ZFPL1: variants seen among roughly 807,000 people sequenced by gnomAD.
ZFPL1 encodes the protein zinc finger protein like 1.
A neutral mutation model predicts 32.0 loss-of-function variants in ZFPL1; 28 were observed. That is an observed-to-expected ratio of 0.87 (90% CI 0.65 to 1.20). ZFPL1 has a LOEUF of 1.20. Ranked by LOEUF, ZFPL1 falls within the 50% of genes most tolerant of loss-of-function variation. The pLI is 0.00. For synonymous variants in ZFPL1, 165 were observed against 177.0 expected (o/e 0.93, Z 0.54); for missense variants, 386 against 424.8 (o/e 0.91, Z 0.80).
In ZFPL1 at chr11:65,084,271, A is replaced by G. The variant is rs984838414; in HGVS notation, c.-116A>G. On this transcript the variant is annotated 5_prime_UTR_variant, in exon 1 of 8. Coordinates refer to ENST00000294258, the MANE Select transcript of ZFPL1 (RefSeq NM_006782.4). ...TCGGGGCGGCCGGGGCTGAAGGGAG[A>G]GGCGCAGGAGCCCTGGGGAGAGTGG... 2 of 556,364 alleles carry G rather than the reference A, an allele frequency of 3.6e-6. No individual in the cohort carries two copies. The highest frequency in any genetic ancestry group is 1.9e-5 in the African/African-American group (1 of 52,186). The allele number at this position is 556,364 out of a possible 1,614,324, so 34.5% of individuals were successfully genotyped here.
intron 3 of ZFPL1, 136 bp downstream of exon 3, chr11:65,085,362 C>A: frequency 1.3e-6 from 1 of 753,562 alleles, no homozygotes. Context: ...TGTTAAAGTT[C>A]CTTACCTGCT....
Position 65,086,510 on chromosome 11 carries a change from A to T in ZFPL1, c.310A>T (p.Ile104Phe). Residue 104 changes from isoleucine to phenylalanine, a missense_variant, in exon 4 of 8, where the codon ATC becomes TTC. Physicochemically the swap from Ile to Phe is conservative, Grantham distance 21. Transcript: ENST00000294258. ...TCAGTGCCCCAGCTGCAATGGCCCC[A>T]TCTTCCCCCCAACCAACCTGGCTGG... ...GYQCPSCNGP[I>F]FPPTNLAGPV... 1 of 1,613,998 alleles carries T rather than the reference A, an allele frequency of 6.2e-7. No individual in the cohort carries two copies. The highest frequency in any genetic ancestry group is 8.5e-7 in the Non-Finnish European group (1 of 1,180,008).
At chr11:65,086,074 G>A (rs769328363) in intron 3 of ZFPL1, 8 of 374,278 alleles carry the variant, frequency 2.1e-5, no homozygotes, top group African/African-American at 6.3e-5. Flanking sequence ...TGTGTGTATC[G>A]AGGAACCTTT....
intron 6 of ZFPL1, 84 bp downstream of exon 6, chr11:65,087,158 C>A: frequency 3.8e-6 from 6 of 1,565,834 alleles, no homozygotes; most frequent in Non-Finnish European, 5.2e-6. Flanking sequence ...GATCCAGAGA[C>A]CCACCCGGAG....
At position 65,084,343 on chromosome 11, in the gene ZFPL1, CA is replaced by C. The variant is rs1317903258; in HGVS notation, c.-43del. ...AGCCATCGCTACCGCCCTTCGGAAC[CA>C]GTGCAGCGGCCGATCAGTAAACACA... is the stretch of plus-strand genomic sequence containing the variant. On this transcript the variant is annotated 5_prime_UTR_variant, in exon 1 of 8. Coordinates refer to ENST00000294258, the MANE Select transcript of ZFPL1 (RefSeq NM_006782.4). The C allele has an allele frequency of 8.0e-6, 4 of 502,658 alleles. No individual in the cohort carries two copies. The highest frequency in any genetic ancestry group is 1.1e-5 in the Non-Finnish European group (3 of 284,830). The allele number at this position is 502,658 out of a possible 1,614,324, so 31.1% of individuals were successfully genotyped here. A position where few individuals can be genotyped will look rare whatever the true frequency, so the allele number is the denominator to read the frequency against.
rs777170233 is a variant in ZFPL1 at position 65,088,026 on chromosome 11, T to C, written c.845T>C (p.Leu282Pro). The C allele has an allele frequency of 1.7e-5, 27 of 1,608,444 alleles. No homozygotes were observed. Among genetic ancestry groups the C allele is most frequent in the Non-Finnish European group, 2.0e-5 (24 of 1,178,732 alleles). ...CTGGGCTTCCTGGCCCTCCTTGCCC[T>C]CATGTCTCGCCTAGGCCGGGCCGCA... ...GLLGFLALLALMSRLGRAAAD... is the reference protein window; with the variant it reads ...GLLGFLALLAPMSRLGRAAAD... Residue 282 changes from leucine to proline, a missense_variant, in exon 8 of 8, where the codon CTC (leucine) becomes CCC (proline). By Grantham distance (98) the Leu-to-Pro change is moderately conservative. Transcript: ENST00000294258.
In ZFPL1 at chr11:65,086,919, C is replaced by T; in HGVS notation, c.482-9C>T. 1 of 1,613,394 alleles carries T rather than the reference C, an allele frequency of 6.2e-7. No homozygotes were observed. Among genetic ancestry groups the T allele is most frequent in the Non-Finnish European group, 8.5e-7 (1 of 1,179,526 alleles). On this transcript the variant is annotated splice_polypyrimidine_tract_variant and intron_variant, in intron 5 of 7. Transcript: ENST00000294258. ...CTGCTTCTGCTGACGGCTCTCTTTC[C>T]ACCCACAGCCAGCAGTACCCCTGGA...
chr11:65,086,226 C>A, intron 3 of ZFPL1, 189 bp from the exon 4 acceptor site: 1 of 792,896 alleles, frequency 1.3e-6, no homozygotes, highest in Non-Finnish European at 2.1e-6. Context: ...AGCTTGGTAG[C>A]ACCTGCCTGG....
Position 65,084,309 on chromosome 11 carries a change from C to G in ZFPL1, c.-78C>G. 1 of 518,370 alleles carries G rather than the reference C, an allele frequency of 1.9e-6. No homozygotes were observed. The highest frequency in any genetic ancestry group is 5.2e-4 in the Middle Eastern group (1 of 1,926). 32.1% of individuals were successfully genotyped at this position (518,370 alleles called of 1,614,324 possible). A position where few individuals can be genotyped will look rare whatever the true frequency, so the allele number is the denominator to read the frequency against. Reference sequence around the variant, plus strand: ...CTGGGGAGAGTGGTCCCTGCCCTTCCGCGCCTCGAGCCATCGCTACCGCCC... The same window carrying G: ...CTGGGGAGAGTGGTCCCTGCCCTTCGGCGCCTCGAGCCATCGCTACCGCCC... On this transcript the variant is annotated 5_prime_UTR_variant, in exon 1 of 8. Transcript: ENST00000294258.
chr11:65,087,238 G>C (rs1947688852), intron 6 of ZFPL1, 78 bp from the exon 7 acceptor site: 1 of 1,568,294 alleles, frequency 6.4e-7, no homozygotes, highest in African/African-American at 1.4e-5. Context: ...AGACTGAGGA[G>C]AGCAGGTGAT....
chr11:65,086,331 A>G, intron 3 of ZFPL1, 84 bp from the exon 4 acceptor site: 1 of 1,545,400 alleles, frequency 6.5e-7, no homozygotes, highest in Non-Finnish European at 8.9e-7. Flanking sequence ...TATGTCCTGC[A>G]ATGGTCTGGG....
Position 65,088,229 on chromosome 11 carries a change from C to CT in ZFPL1, c.*116dup, listed in dbSNP as rs1277357500. On this transcript the variant is annotated 3_prime_UTR_variant, in exon 8 of 8. Coordinates refer to ENST00000294258, the MANE Select transcript of ZFPL1 (RefSeq NM_006782.4). ...GCCCCTCTCCCTCAAGCCTAAGACA[C>CT]TAAGACCCCAGACCCAAAGCCAAGT... The CT allele has an allele frequency of 1.5e-6, 2 of 1,359,254 alleles. No homozygotes were observed. The highest frequency in any genetic ancestry group is 2.9e-5 in the African/African-American group (2 of 68,436). The allele number at this position is 1,359,254 out of a possible 1,614,324, so 84.2% of individuals were successfully genotyped here.
At chr11:65,085,319 G>T (rs764499235) in intron 3 of ZFPL1, 93 bp downstream of exon 3, 6 of 1,092,770 alleles carry the variant, frequency 5.5e-6, no homozygotes, top group Non-Finnish European at 8.3e-6. Context: ...AGGACAGTGA[G>T]TCCCCCGAGT....
Position 65,085,193 on chromosome 11 carries a change from G to A in ZFPL1, c.181G>A (p.Ala61Thr). 13 of 1,614,022 alleles carry A rather than the reference G, an allele frequency of 8.1e-6. No individual in the cohort carries two copies. The highest frequency in any genetic ancestry group is 1.1e-5 in the Non-Finnish European group (13 of 1,180,022). Residue 61 changes from alanine (A) to threonine (T), a missense_variant, in exon 3 of 8, where the codon GCC becomes ACC. Transcript: ENST00000294258. ...TTGCCGCCTGTGCAACATACCCCTG[G>A]CCAGCCGAGAGACGACCCGCCTTGT... ...PNCRLCNIPL[A>T]SRETTRLVCY...
chr11:65,088,288 C>A lies in ZFPL1; in HGVS notation c.*174C>A. 2 of 1,097,574 alleles carry A rather than the reference C, an allele frequency of 1.8e-6. No homozygotes were observed. The highest frequency in any genetic ancestry group is 1.4e-5 in the South Asian group (1 of 70,316). 68.0% of individuals were successfully genotyped at this position (1,097,574 alleles called of 1,614,324 possible). A position where few individuals can be genotyped will look rare whatever the true frequency, so the allele number is the denominator to read the frequency against. Reference sequence around the variant, plus strand: ...GTGGCTGCAGGCCAGGCCTGGAGTCCCCGTGGGTCAAGCATTTGTCTTGAC... The same window carrying A: ...GTGGCTGCAGGCCAGGCCTGGAGTCACCGTGGGTCAAGCATTTGTCTTGAC... On this transcript the variant is annotated 3_prime_UTR_variant, in exon 8 of 8. Transcript: ENST00000294258.
In ZFPL1 at chr11:65,086,494, C is replaced by T. The variant is rs11550918; in HGVS notation, c.294C>T (p.Pro98=). ...CGGCACCTGCCGGCTATCAGTGCCC[C>T]AGCTGCAATGGCCCCATCTTCCCCC... ...RNTAPAGYQC[P]SCNGPIFPPT... is the part of the protein sequence containing the mutation. Residue 98 remains proline, a synonymous_variant, in exon 4 of 8, where the codon CCC becomes CCT. Transcript: ENST00000294258. 1 of 1,614,130 alleles carries T rather than the reference C, an allele frequency of 6.2e-7. No individual in the cohort carries two copies. Among genetic ancestry groups the T allele is most frequent in the South Asian group, 1.1e-5 (1 of 91,086 alleles).
chr11:65,087,854 G>A, intron 7 of ZFPL1, 74 bp from the exon 8 acceptor site: 1 of 1,449,526 alleles, frequency 6.9e-7, no homozygotes, highest in Non-Finnish European at 9.2e-7. Context: ...AATGGGTGGT[G>A]ACCAGGGCTT....
rs1479319095 is a variant in ZFPL1 at position 65,084,805 on chromosome 11, G to C, written c.102+5G>C. On this transcript the variant is annotated splice_donor_5th_base_variant and intron_variant, in intron 2 of 7. Coordinates refer to ENST00000294258, the MANE Select transcript of ZFPL1 (RefSeq NM_006782.4). ...CTGGTAGCCAATCACGCCAAGGTGG[G>C]GCCTTCAGGGGAGCGACTGAGCAGG... 4 of 1,613,938 alleles carry C rather than the reference G, an allele frequency of 2.5e-6. No individual in the cohort carries two copies. The highest frequency in any genetic ancestry group is 3.4e-6 in the Non-Finnish European group (4 of 1,180,036).
Position 65,085,132 on chromosome 11 carries a change from C to T in ZFPL1, c.120C>T (p.Tyr40=). ...ANHAKCIVQS[Y]LQWLQDSDYN... is the part of the protein sequence containing the mutation. The stretch of plus-strand genomic sequence containing the variant: ...CACTCCAGTGCATCGTCCAGTCCTA[C>T]CTGCAATGGCTCCAAGATAGCGACT... Residue 40 remains tyrosine, a synonymous_variant, in exon 3 of 8, where the codon TAC becomes TAT. Transcript: ENST00000294258. 1 of 1,614,210 alleles carries T rather than the reference C, an allele frequency of 6.2e-7. No homozygotes were observed. The highest frequency in any genetic ancestry group is 8.5e-7 in the Non-Finnish European group (1 of 1,180,026).
Sources: gnomAD v4.1 joint callset for allele counts on GRCh38, gnomAD v4.1.1 for gene constraint, MANE v1.5 for transcripts, NCBI Gene and HGNC (gene_info 2026-07-23, HGNC 2026-07-21) for gene names.